FOXP1: variants seen among roughly 807,000 people sequenced by gnomAD.
The protein encoded by FOXP1 is forkhead box protein P1.
FOXP1 carries 15 observed loss-of-function variants against 98.2 expected under a neutral mutation model. The observed-to-expected ratio is 0.15, with a 90% CI of 0.10 to 0.24. The LOEUF (loss-of-function observed/expected upper bound fraction) is 0.24, where lower values mean the gene tolerates loss of function less well. Among genes scored for constraint, FOXP1 ranks in the 10% least tolerant of loss-of-function variants. The probability of loss-of-function intolerance (pLI) is 1.00; values close to 1 mark genes in which losing one functional copy is unlikely to be tolerated. For synonymous variants in FOXP1, 371 were observed against 314.5 expected (o/e 1.18, Z -1.90); for missense variants, 633 against 848.5 (o/e 0.75, Z 3.15).
At chr3:71,336,657 A>T (rs957601899) in intron 4 of FOXP1, among the ~76,000 whole-genome samples, 1 of 152,276 alleles carries the variant, frequency 6.6e-6, no homozygotes, top group African/African-American at 2.4e-5. Flanking sequence ...TTACAAAAGC[A>T]TCCCAGCTAG....
intron 5 of FOXP1, among the ~76,000 whole-genome samples, chr3:71,271,209 G>A (rs1358382201): frequency 6.6e-6 from 1 of 152,172 alleles, no homozygotes; most frequent in Non-Finnish European, 1.5e-5. Flanking sequence ...CAGTCTGGGT[G>A]ACAAGATCGA....
intron 3 of FOXP1, among the ~76,000 whole-genome samples, chr3:71,393,696 A>C (rs1360970101): frequency 6.6e-6 from 1 of 152,230 alleles, no homozygotes; most frequent in Non-Finnish European, 1.5e-5. Flanking sequence ...TTAACAAGAA[A>C]GTCTTCCAGT....
Position 71,326,079 on chromosome 3 carries a change from A to T in FOXP1, c.-72-26199T>A, listed in dbSNP as rs961276573. ...CTTTCTTGCTTTCAAGTAGAAAAAA[A>T]AAGCCACCAAATTTCTCTTTTCGTT... On this transcript the variant is annotated intron_variant, in intron 4 of 20. Transcript: ENST00000649528. Among the ~76,000 whole-genome samples, 10 of 152,326 alleles carry T rather than the reference A, an allele frequency of 6.6e-5. No individual in the cohort carries two copies. In the East Asian group the frequency reaches 1.9e-3, roughly 29 times the overall value.
intron 3 of FOXP1, among the ~76,000 whole-genome samples, chr3:71,414,875 C>T (rs2083090717): frequency 6.6e-6 from 1 of 152,234 alleles, no homozygotes; most frequent in African/African-American, 2.4e-5. Context: ...TGCATAGCTT[C>T]AGGGTTTAGT....
chr3:71,165,117 A>G (rs951788176), intron 6 of FOXP1, among the ~76,000 whole-genome samples: 1 of 152,176 alleles, frequency 6.6e-6, no homozygotes, highest in African/African-American at 2.4e-5. Flanking sequence ...GACTGAAACA[A>G]AAATATCCAA....
chr3:71,003,609 T>A (rs2042388494), intron 12 of FOXP1, among the ~76,000 whole-genome samples: 1 of 152,158 alleles, frequency 6.6e-6, no homozygotes, highest in Admixed American at 6.6e-5. Context: ...TTCTGCACAT[T>A]TATAACTAAT....
intron 5 of FOXP1, among the ~76,000 whole-genome samples, chr3:71,287,632 T>G (rs1211932467): frequency 6.6e-6 from 1 of 151,552 alleles, no homozygotes; most frequent in Non-Finnish European, 1.5e-5. Context: ...ATACGAAAAT[T>G]AGCTGGGCTT....
At chr3:71,075,377 A>C (rs2053690237) in intron 7 of FOXP1, among the ~76,000 whole-genome samples, 1 of 152,080 alleles carries the variant, frequency 6.6e-6, no homozygotes, top group South Asian at 2.1e-4. Context: ...TTTTCCTTCA[A>C]TTTCTTCCTT....
At chr3:71,019,873 AAACAT>A (rs1414031558) in intron 11 of FOXP1, among the ~76,000 whole-genome samples, 7 of 150,114 alleles carry the variant, frequency 4.7e-5, no homozygotes, top group East Asian at 1.9e-4. Flanking sequence ...AAACAAAACA[AAACAT>A]AAAACCACGG....
chr3:71,267,460 G>T lies in FOXP1; in HGVS notation c.-12+32360C>A, dbSNP rs78282404. ...GTCATGTCCTTGAGGGCTGCAAGGTGACTGAGCATAGAACTGCATCTGCGA... is the reference window on the plus strand; with the variant it reads ...GTCATGTCCTTGAGGGCTGCAAGGTTACTGAGCATAGAACTGCATCTGCGA... On this transcript the variant is annotated intron_variant, in intron 5 of 20. Coordinates refer to ENST00000649528, the MANE Select transcript of FOXP1 (RefSeq NM_001349338.3). 6.9e-3 allele frequency among the ~76,000 whole-genome samples: 1,048 copies of T among 152,310 alleles called. 11 individuals are homozygous for T. Among genetic ancestry groups the T allele is most frequent in the African/African-American group, 0.024 (1,002 of 41,566 alleles).
intron 3 of FOXP1, among the ~76,000 whole-genome samples, chr3:71,362,699 G>T (rs2078656014): frequency 6.6e-6 from 1 of 152,152 alleles, no homozygotes; most frequent in Admixed American, 6.5e-5. Context: ...GAAACTCCTG[G>T]CCTCAAGCAA....
chr3:71,044,074 T>A (rs1381421152), intron 10 of FOXP1, among the ~76,000 whole-genome samples: 1 of 152,206 alleles, frequency 6.6e-6, no homozygotes, highest in African/African-American at 2.4e-5. Flanking sequence ...ATCAATGCCA[T>A]ATATCGTTAG....
chr3:71,187,452 G>A (rs899314543), intron 6 of FOXP1, among the ~76,000 whole-genome samples: 22 of 152,034 alleles, frequency 1.4e-4, no homozygotes, highest in Non-Finnish European at 4.4e-5. Flanking sequence ...GCATGGTGGC[G>A]CACATCTGAA....
rs113409611 is a variant in FOXP1, at chr3:71,281,240, T to TA, written c.-12+18579_-12+18580insT. On this transcript the variant is annotated intron_variant, in intron 5 of 20. Transcript: ENST00000649528. ...CAGACCCCATCTCAAGATAAAAATT[T>TA]TAAAAAAAAAAAGAAAAAGAAAAGG... Among the ~76,000 whole-genome samples, 266 of 137,416 alleles carry TA rather than the reference T, an allele frequency of 1.9e-3. 1 individual carries two copies. Among genetic ancestry groups the TA allele is most frequent in the African/African-American group, 6.9e-3 (253 of 36,826 alleles). The allele number at this position is 137,416 out of a possible 152,430, so 90.2% of individuals were successfully genotyped here.
chr3:71,463,065 C>A (rs191252996), intron 3 of FOXP1, among the ~76,000 whole-genome samples: 1 of 152,262 alleles, frequency 6.6e-6, no homozygotes, highest in Non-Finnish European at 1.5e-5. Context: ...TCTCAGACCT[C>A]CGAACTTGTC....
intron 2 of FOXP1, among the ~76,000 whole-genome samples, chr3:71,506,922 C>T (rs1007281438): frequency 6.6e-6 from 1 of 152,176 alleles, no homozygotes; most frequent in African/African-American, 2.4e-5. Context: ...TCCCTACCTC[C>T]AAGCATTGCT....
chr3:71,500,037 TG>T (rs1343398036), intron 2 of FOXP1, among the ~76,000 whole-genome samples: 2 of 152,200 alleles, frequency 1.3e-5, no homozygotes, highest in Non-Finnish European at 2.9e-5. Context: ...TTTAACCAAA[TG>T]GGTCACTACA....
rs1209187449 is a variant in FOXP1 at position 71,133,482 on chromosome 3, A to G, written c.181-20845T>C. ...ATAGACCTTGAATCCTTGAATGTGA[A>G]ATGGCTTCACGCTAATTGCTGTAAT... On this transcript the variant is annotated intron_variant, in intron 6 of 20. Coordinates refer to ENST00000649528, the MANE Select transcript of FOXP1 (RefSeq NM_001349338.3). Among the ~76,000 whole-genome samples the G allele has an allele frequency of 3.3e-5, 5 of 152,352 alleles. No individual in the cohort carries two copies. In the East Asian group the frequency reaches 9.6e-4, roughly 29 times the overall value.
chr3:71,473,235 A>G (rs2089518155), intron 3 of FOXP1, among the ~76,000 whole-genome samples: 2 of 152,334 alleles, frequency 1.3e-5, no homozygotes, highest in East Asian at 3.9e-4. Context: ...TTACCTAGGT[A>G]CATACAGCTA....
Sources: allele counts gnomAD v4.1 joint callset (sites outside exome capture counted in the v4.1 genomes callset), GRCh38; gene constraint gnomAD v4.1.1; transcripts MANE v1.5; gene names NCBI Gene and HGNC (gene_info 2026-07-23, HGNC 2026-07-21).